Variants in KCNH7 observed in about 807,000 individuals in gnomAD.
The protein encoded by KCNH7 is voltage-gated inwardly rectifying potassium channel KCNH7.
A neutral mutation model predicts 120.8 loss-of-function variants in KCNH7; 49 were observed. The observed-to-expected ratio is 0.41, with a 90% CI of 0.32 to 0.51. The LOEUF is 0.51. Ranked by LOEUF, KCNH7 falls within the 20% of genes least tolerant of loss-of-function variation. The pLI is 0.38. For missense variants in KCNH7, 1,097 were observed against 1,446.6 expected (o/e 0.76, Z 3.92); for synonymous variants, 547 against 516.1 (o/e 1.06, Z -0.81).
chr2:162,551,773 G>A (rs1692675539), intron 2 of KCNH7, among the ~76,000 whole-genome samples: 1 of 152,144 alleles, frequency 6.6e-6, no homozygotes, highest in Admixed American at 6.5e-5. Context: ...CCCCAAGTAT[G>A]TAACTTATTA....
chr2:162,638,550 A>G (rs1412054303), intron 2 of KCNH7, among the ~76,000 whole-genome samples: 3 of 152,098 alleles, frequency 2.0e-5, no homozygotes, highest in African/African-American at 7.2e-5. Flanking sequence ...AATAGTAATA[A>G]AGAGCAAGAG....
intron 2 of KCNH7, among the ~76,000 whole-genome samples, chr2:162,555,980 A>G (rs1030979882): frequency 3.9e-5 from 6 of 152,118 alleles, no homozygotes; most frequent in Non-Finnish European, 5.9e-5. Context: ...CTTCACAAAT[A>G]TTATTAATAA....
intron 14 of KCNH7, among the ~76,000 whole-genome samples, chr2:162,374,385 A>C (rs1686085744): frequency 6.6e-6 from 1 of 152,142 alleles, no homozygotes; most frequent in African/African-American, 2.4e-5. Flanking sequence ...TTTAAATTAA[A>C]ATTTAAGGGA....
rs148851033 is a variant in KCNH7, at chr2:162,681,761, C to T, written c.308-144681G>A. Among the ~76,000 whole-genome samples, 95 of 150,226 alleles carry T rather than the reference C, an allele frequency of 6.3e-4. 1 individual carries two copies. The highest frequency in any genetic ancestry group is 2.2e-3 in the African/African-American group (91 of 41,052). ...GCTTGCAACTAGTTGTAAGTGTATA[C>T]GTGTTTAAATTACATAAAGAGAGTT... is the stretch of plus-strand genomic sequence containing the variant. On this transcript the variant is annotated intron_variant, in intron 2 of 15. Transcript: ENST00000332142.
At chr2:162,538,603 C>G (rs1036387914) in intron 2 of KCNH7, among the ~76,000 whole-genome samples, 1 of 151,988 alleles carries the variant, frequency 6.6e-6, no homozygotes, top group Admixed American at 6.6e-5. Context: ...AAATGGTGAC[C>G]TATGTAAGCT....
intron 6 of KCNH7, among the ~76,000 whole-genome samples, chr2:162,467,697 C>T (rs1689354332): frequency 6.6e-6 from 1 of 152,214 alleles, no homozygotes; most frequent in South Asian, 2.1e-4. Flanking sequence ...AATGCTCAAT[C>T]AGCTGGTGAA....
At chr2:162,462,713 G>A (rs746524684) in intron 6 of KCNH7, among the ~76,000 whole-genome samples, 15 of 151,932 alleles carry the variant, frequency 9.9e-5, no homozygotes, top group Non-Finnish European at 1.8e-4. Context: ...TTATTGACAG[G>A]GATTTTCTGT....
At chr2:162,520,987 T>C (rs1361438661) in intron 3 of KCNH7, among the ~76,000 whole-genome samples, 2 of 151,886 alleles carry the variant, frequency 1.3e-5, no homozygotes, top group African/African-American at 4.8e-5. Flanking sequence ...GGCTTCTTTC[T>C]GTTTGATCCT....
intron 6 of KCNH7, among the ~76,000 whole-genome samples, chr2:162,490,117 T>C (rs1690243611): frequency 6.6e-6 from 1 of 152,348 alleles, no homozygotes; most frequent in Non-Finnish European, 1.5e-5. Context: ...GGAGGGTCCC[T>C]GGAGAACCAC....
chr2:162,687,988 GATAATTT>G (rs1236790022), intron 2 of KCNH7, among the ~76,000 whole-genome samples: 2 of 152,080 alleles, frequency 1.3e-5, no homozygotes, highest in Non-Finnish European at 2.9e-5. Context: ...ATTTACTAGT[GATAATTT>G]ATAATATGTA....
chr2:162,455,151 A>G (rs911585834), intron 6 of KCNH7, among the ~76,000 whole-genome samples: 3 of 152,022 alleles, frequency 2.0e-5, no homozygotes, highest in African/African-American at 7.2e-5. Flanking sequence ...ACATGTAGGG[A>G]TGTTGAATTT....
chr2:162,519,225 A>G (rs1691431502), intron 3 of KCNH7, among the ~76,000 whole-genome samples: 1 of 151,838 alleles, frequency 6.6e-6, no homozygotes, highest in Non-Finnish European at 1.5e-5. Flanking sequence ...TAATCCACAT[A>G]TGGGATATTG....
intron 8 of KCNH7, among the ~76,000 whole-genome samples, chr2:162,428,377 G>A (rs1001418743): frequency 6.7e-6 from 1 of 150,246 alleles, no homozygotes; most frequent in South Asian, 2.1e-4. Context: ...TTGATTTCTG[G>A]TTTCTCTATG....
chr2:162,598,801 AATATAAGC>A (rs1694458950), intron 2 of KCNH7, among the ~76,000 whole-genome samples: 1 of 152,176 alleles, frequency 6.6e-6, no homozygotes, highest in East Asian at 1.9e-4. Context: ...GATTTTATGG[AATATAAGC>A]ATTATAAAGG....
At chr2:162,748,980 TTCC>T (rs1688447825) in intron 2 of KCNH7, among the ~76,000 whole-genome samples, 1 of 132,988 alleles carries the variant, frequency 7.5e-6, no homozygotes, top group Admixed American at 7.3e-5. Context: ...CCTTCCTTCC[TTCC>T]TTCCTTCTTT....
chr2:162,729,159 C>CA (rs1230871676), intron 2 of KCNH7, among the ~76,000 whole-genome samples: 2 of 144,020 alleles, frequency 1.4e-5, no homozygotes, highest in Non-Finnish European at 3.0e-5. Flanking sequence ...TCAATATACC[C>CA]AAATTTTTTT....
chr2:162,520,514 C>A (rs1691483375), intron 3 of KCNH7, among the ~76,000 whole-genome samples: 1 of 151,716 alleles, frequency 6.6e-6, no homozygotes, highest in South Asian at 2.1e-4. Flanking sequence ...AATGCCAGCA[C>A]TTCGTGAAGA....
chr2:162,827,416 T>C (rs751404466), intron 2 of KCNH7, among the ~76,000 whole-genome samples: 10 of 152,090 alleles, frequency 6.6e-5, no homozygotes, highest in Non-Finnish European at 1.0e-4. Context: ...AGTCATACAA[T>C]ATATAGTCCA....
intron 2 of KCNH7, among the ~76,000 whole-genome samples, chr2:162,663,310 A>G (rs1685030090): frequency 6.6e-6 from 1 of 152,218 alleles, no homozygotes; most frequent in Admixed American, 6.5e-5. Flanking sequence ...CTTGTGTTTG[A>G]GAAAAAAATT....
Sources: gnomAD v4.1 joint callset for allele counts (sites outside exome capture counted in the v4.1 genomes callset) on GRCh38, gnomAD v4.1.1 for gene constraint, MANE v1.5 for transcripts, NCBI Gene and HGNC (gene_info 2026-07-23, HGNC 2026-07-21) for gene names.